The following ADGRE2 variants were observed in gnomAD, a reference collection of about 807,000 sequenced individuals.
ADGRE2 encodes the protein adhesion G protein-coupled receptor E2.
ADGRE2 carries 83 observed loss-of-function variants against 100.8 expected under a neutral mutation model. The ratio of observed to expected loss-of-function variants is 0.82; its 90% CI spans 0.69 to 0.99. The LOEUF (loss-of-function observed/expected upper bound fraction) is 0.99. ADGRE2 is among the 50% of genes least tolerant of loss of function. The probability of loss-of-function intolerance (pLI) is 0.00; values close to 1 mark genes in which losing one functional copy is unlikely to be tolerated. For synonymous variants in ADGRE2, 355 were observed against 413.0 expected, an observed-to-expected ratio of 0.86 and a Z score of 1.70; for missense variants, 814 against 1,035.7, an observed-to-expected ratio of 0.79 and a Z score of 2.94.
chr19:14,756,225 T>A lies in ADGRE2; in HGVS notation c.1192+13A>T, dbSNP rs756926654. 1.9e-6 allele frequency: 3 copies of A among 1,581,396 alleles called. No homozygotes were observed. The highest frequency in any genetic ancestry group is 1.7e-6 in the Non-Finnish European group (2 of 1,150,278). On this transcript the variant is annotated intron_variant, in intron 12 of 20. Transcript: ENST00000315576. ...TGAAGCTTCACTGACCACCTCCCCA[T>A]CTCAGCCATTACCTGGGTCACCAGA...
At chr19:14,742,163 C>A (rs887406876) in intron 20 of ADGRE2, 23 of 398,226 alleles carry the variant, frequency 5.8e-5, no homozygotes, top group African/African-American at 3.7e-4. Flanking sequence ...AATGTGAACC[C>A]TCTTAGGGCA....
At chr19:14,755,956 G>T in intron 12 of ADGRE2, 79 bp from the exon 13 acceptor site, 1 of 1,253,340 alleles carries the variant, frequency 8.0e-7, no homozygotes, top group Non-Finnish European at 1.1e-6. Context: ...GCCCTGCACA[G>T]AACTTTCTAC....
At chr19:14,725,021 C>T in the ADGRE2 span, among the ~76,000 whole-genome samples, 23 of 152,236 alleles carry the variant, frequency 1.5e-4, 1 homozygote, top group African/African-American at 4.6e-4. Flanking sequence ...AGAGGTTTAA[C>T]GGGCTCACGG....
At chr19:14,764,749 TG>T in intron 10 of ADGRE2, 139 bp from the exon 11 acceptor site, 1 of 866,522 alleles carries the variant, frequency 1.2e-6, no homozygotes, top group Non-Finnish European at 1.7e-6. Flanking sequence ...CTGGGCGCGG[TG>T]GCTCACGCCT....
At chr19:14,751,813 A>C in intron 15 of ADGRE2, 142 bp from the exon 16 acceptor site, 1 of 632,950 alleles carries the variant, frequency 1.6e-6, no homozygotes, top group African/African-American at 1.8e-5. Flanking sequence ...TGAGTCAGGC[A>C]ATGGGAAATT....
chr19:14,738,394 C>T (rs533299775), intron 20 of ADGRE2, among the ~76,000 whole-genome samples: 1 of 151,696 alleles, frequency 6.6e-6, no homozygotes, highest in South Asian at 2.1e-4. Context: ...TTTTTTTCCC[C>T]TGAGACAGGG....
At chr19:14,748,304 A>G (rs1053179233) in intron 16 of ADGRE2, among the ~76,000 whole-genome samples, 4 of 75,466 alleles carry the variant, frequency 5.3e-5, no homozygotes, top group Non-Finnish European at 7.9e-5. Context: ...TGCAAAGGAC[A>G]TGATCTTGTT....
chr19:14,746,994 A>C, intron 16 of ADGRE2, 32 bp from the exon 17 acceptor site: 3 of 1,569,618 alleles, frequency 1.9e-6, no homozygotes, highest in Non-Finnish European at 2.6e-6. Context: ...AAAATGCATC[A>C]GTTTTTGGAG....
intron 2 of ADGRE2, 69 bp downstream of exon 2, chr19:14,776,657 C>T (rs374295939): frequency 2.0e-6 from 3 of 1,537,048 alleles, no homozygotes; most frequent in African/African-American, 2.8e-5. Context: ...TCCCGTTTCT[C>T]AGACGCATCC....
At chr19:14,769,225 C>A (rs968041116) in intron 5 of ADGRE2, among the ~76,000 whole-genome samples, 4 of 143,918 alleles carry the variant, frequency 2.8e-5, no homozygotes, top group African/African-American at 8.0e-5. Flanking sequence ...CACCCCCCCC[C>A]CATCTTTACT....
chr19:14,774,694 G>GCTTTCTTTCTTTCTTTCTTTCTTTC (rs1568630415), intron 2 of ADGRE2, among the ~76,000 whole-genome samples: 7 of 45,290 alleles, frequency 1.5e-4, no homozygotes, highest in African/African-American at 4.3e-4. Context: ...TTCTTTTTGA[G>GCTTTCTTTCTTTCTTTCTTTCTTTC]ACAGGGTCTT....
chr19:14,731,065 T>G (rs1486875459), downstream of ADGRE2: 11 of 885,774 alleles, frequency 1.2e-5, no homozygotes, highest in Non-Finnish European at 2.0e-5. Flanking sequence ...CATGCTGCCC[T>G]GGTCTCAAGC....
At chr19:14,773,080 C>CCAAAAAAAAAAAAAAAAAAAA (rs1249410615) in intron 4 of ADGRE2, among the ~76,000 whole-genome samples, 1 of 45,846 alleles carries the variant, frequency 2.2e-5, no homozygotes, top group African/African-American at 1.0e-4. Context: ...GACTCCATCT[C>CCAAAAAAAAAAAAAAAAAAAA]AAAAAAAAAA....
intron 5 of ADGRE2, among the ~76,000 whole-genome samples, chr19:14,771,417 C>G (rs553225830): frequency 6.6e-6 from 1 of 152,220 alleles, no homozygotes; most frequent in South Asian, 2.1e-4. Context: ...CCTCCCGCAC[C>G]CAACTAGTTC....
chr19:14,751,709 G>C, intron 15 of ADGRE2, 38 bp from the exon 16 acceptor site: 10 of 1,498,922 alleles, frequency 6.7e-6, no homozygotes, highest in Non-Finnish European at 8.3e-6. Flanking sequence ...GCGGCGATCA[G>C]ATTTGAGTGT....
rs60789454 is a variant in ADGRE2, at chr19:14,759,503, A to ATATATATATT, written c.1085-3159_1085-3158insAATATATATA. Among the ~76,000 whole-genome samples the ATATATATATT allele has an allele frequency of 9.9e-3, 1,322 of 133,322 alleles. 19 individuals are homozygous for ATATATATATT. Among genetic ancestry groups the ATATATATATT allele is most frequent in the African/African-American group, 0.035 (1,163 of 33,632 alleles). 87.5% of individuals were successfully genotyped at this position (133,322 alleles called of 152,430 possible). On this transcript the variant is annotated intron_variant, in intron 11 of 20. Coordinates refer to ENST00000315576, the MANE Select transcript of ADGRE2 (RefSeq NM_013447.4). ...ATAAGTTATACATATATATATATATATTTTTTTTTTTTAGACGGAGTCTCA... is the reference window on the plus strand; with the variant it reads ...ATAAGTTATACATATATATATATATATATATATATTTTTTTTTTTTTTAGACGGAGTCTCA...
In ADGRE2 at chr19:14,733,405, G is replaced by A. The variant is rs950662492; in HGVS notation, c.*2831C>T. 2 of 152,164 alleles carry A rather than the reference G, an allele frequency of 1.3e-5. No homozygotes were observed. Among genetic ancestry groups the A allele is most frequent in the Non-Finnish European group, 2.9e-5 (2 of 68,032 alleles). The allele number at this position is 152,164 out of a possible 1,614,324, so 9.4% of individuals were successfully genotyped here. On this transcript the variant is annotated 3_prime_UTR_variant, in exon 21 of 21. Coordinates refer to ENST00000315576, the MANE Select transcript of ADGRE2 (RefSeq NM_013447.4). The stretch of plus-strand genomic sequence containing the variant: ...AGGAAGGTGGAGGAAAAGTCTCTTG[G>A]GTAACTGCCAAACTTCACCCTCATA...
intron 4 of ADGRE2, 128 bp downstream of exon 4, chr19:14,773,810 T>C (rs2044313590): frequency 1.1e-6 from 1 of 915,250 alleles, no homozygotes; most frequent in Non-Finnish European, 1.8e-6. Flanking sequence ...TCTTTCTCTT[T>C]TCTCTGGCCA....
chr19:14,769,874 A>AT (rs1312673422), intron 5 of ADGRE2, among the ~76,000 whole-genome samples: 3 of 151,750 alleles, frequency 2.0e-5, no homozygotes, highest in African/African-American at 7.3e-5. Context: ...ATTTTTTTGT[A>AT]TTTGTAGTAG....
Sources: gnomAD v4.1 joint callset for allele counts (sites outside exome capture counted in the v4.1 genomes callset) on GRCh38, gnomAD v4.1.1 for gene constraint, MANE v1.5 for transcripts, NCBI Gene and HGNC (gene_info 2026-07-23, HGNC 2026-07-21) for gene names.